Variants in UGT1A9 observed in about 807,000 individuals in gnomAD.
The protein encoded by UGT1A9 is UDP glucuronosyltransferase family 1 member A9.
Under a neutral mutation model 45.0 loss-of-function variants are expected in UGT1A9, and 35 were observed. The observed-to-expected ratio is 0.78, with a 90% CI of 0.59 to 1.03. The LOEUF (loss-of-function observed/expected upper bound fraction) is 1.03, where lower values mean the gene tolerates loss of function less well. UGT1A9 is among the 50% of genes least tolerant of loss of function. The pLI is 0.00. For synonymous variants in UGT1A9, 278 were observed against 250.6 expected (o/e 1.11, Z -1.03); for missense variants, 687 against 666.6 (o/e 1.03, Z -0.34).
Position 233,769,463 on chromosome 2 carries a change from G to A in UGT1A9, c.1295+1024G>A. On this transcript the variant is annotated intron_variant, in intron 4 of 4. Coordinates refer to ENST00000354728, the MANE Select transcript of UGT1A9 (RefSeq NM_021027.3). The surrounding 1 kb of genome is among the most constrained non-coding windows in gnomAD (Gnocchi z 4.4). Reference sequence around the variant, plus strand: ...TGGGTGCACACGTGTGCATTCATATGCGTGTGTGTGTGTGTGCGTGTGTTT... The same window carrying A: ...TGGGTGCACACGTGTGCATTCATATACGTGTGTGTGTGTGTGCGTGTGTTT... 6.3e-7 allele frequency: 1 copy of A among 1,598,098 alleles called. No homozygotes were observed. The highest frequency in any genetic ancestry group is 8.6e-7 in the Non-Finnish European group (1 of 1,168,000).
At chr2:233,731,273 A>G (rs1323685253) in intron 1 of UGT1A9, among the ~76,000 whole-genome samples, 1 of 147,192 alleles carries the variant, frequency 6.8e-6, no homozygotes. Flanking sequence ...TTGCCCTTCC[A>G]GTTTTTCTTT....
At chr2:233,755,299 T>C (rs1695851428) in intron 1 of UGT1A9, 2 of 613,704 alleles carry the variant, frequency 3.3e-6, no homozygotes, top group South Asian at 1.7e-5. Flanking sequence ...TGCGGGGCAC[T>C]GGCACAGCGA....
chr2:233,703,579 A>G (rs2075744144), intron 1 of UGT1A9, among the ~76,000 whole-genome samples: 2 of 151,928 alleles, frequency 1.3e-5, no homozygotes, highest in South Asian at 4.1e-4. Context: ...TAAGGTCTAT[A>G]TTATCTTGCT....
In UGT1A9 at chr2:233,772,400, C is replaced by T. The variant is rs1479735066; in HGVS notation, c.1434C>T (p.Leu478=). ...APHLRPAAHD[L]TWYQYHSLDV... is the part of the protein sequence containing the mutation. ...ACCTGCGCCCCGCAGCCCACGACCT[C>T]ACCTGGTACCAGTACCATTCCTTGG... Residue 478 remains leucine, a synonymous_variant, in exon 5 of 5, where the codon CTC becomes CTT. Transcript: ENST00000354728. 1 of 1,614,246 alleles carries T rather than the reference C, an allele frequency of 6.2e-7. No homozygotes were observed.
At chr2:233,694,740 G>A (rs565003926) in intron 1 of UGT1A9, among the ~76,000 whole-genome samples, 1 of 152,202 alleles carries the variant, frequency 6.6e-6, no homozygotes, top group South Asian at 2.1e-4. Context: ...AATTTGAACA[G>A]TTGGCAGTAG....
rs28899178 is a variant in UGT1A9, at chr2:233,702,144, C to G, written c.855+29355C>G. Among the ~76,000 whole-genome samples the G allele has an allele frequency of 8.7e-3, 1,324 of 152,238 alleles. 29 individuals carry two copies. Among genetic ancestry groups the G allele is most frequent in the African/African-American group, 0.03 (1,235 of 41,546 alleles). On this transcript the variant is annotated intron_variant, in intron 1 of 4. Transcript: ENST00000354728. ...ACATTTTCAGTCACTCCCAAAGATACCTTATATCTATTATCAGTCACTCTT... is the reference window on the plus strand; with the variant it reads ...ACATTTTCAGTCACTCCCAAAGATAGCTTATATCTATTATCAGTCACTCTT...
rs1559415894 is a variant in UGT1A9, at chr2:233,768,434, C to CA, written c.1294dup (p.Ser432LysfsTer74). 6.2e-7 allele frequency: 1 copy of CA among 1,613,634 alleles called. No individual in the cohort carries two copies. The highest frequency in any genetic ancestry group is 1.1e-5 in the South Asian group (1 of 90,992). Reference sequence around the variant, plus strand: ...ATGCTCTAAAAGCAGTCATCAATGACAAAAGGTAAGAAAGAAGATACAGAA... The same window carrying CA: ...ATGCTCTAAAAGCAGTCATCAATGACAAAAAGGTAAGAAAGAAGATACAGAA... On this transcript the variant is annotated frameshift_variant, in exon 4 of 5. Transcript: ENST00000354728. LOFTEE classifies it high-confidence loss of function.
rs763548038 is a variant in UGT1A9 at position 233,772,319 on chromosome 2, G to A, written c.1353G>A (p.Pro451=). The A allele has an allele frequency of 6.2e-6, 10 of 1,614,046 alleles. No homozygotes were observed. The highest frequency in any genetic ancestry group is 7.6e-6 in the Non-Finnish European group (9 of 1,180,038). The change falls in exon 5 of 5, where the codon CCG becomes CCA. Residue 451 remains proline (P), a synonymous_variant. Coordinates refer to ENST00000354728, the MANE Select transcript of UGT1A9 (RefSeq NM_021027.3). ...TTCACAAGGACCGCCCGGTGGAGCC[G>A]CTGGACCTGGCCGTGTTCTGGGTGG... ...SSLHKDRPVE[P]LDLAVFWVEF...
At position 233,695,130 on chromosome 2, in the gene UGT1A9, C is replaced by CTTTCTTT. The variant is rs1364557158; in HGVS notation, c.855+22344_855+22345insCTTTTTT. ...GCCCATTAACCAACCCTTTTCTTTT[C>CTTTCTTT]TTTTTTTTTTTTTTGAGACAGAGTC... On this transcript the variant is annotated intron_variant, in intron 1 of 4. Transcript: ENST00000354728. Among the ~76,000 whole-genome samples the CTTTCTTT allele has an allele frequency of 8.6e-5, 12 of 138,836 alleles. 2 individuals are homozygous for CTTTCTTT. Among genetic ancestry groups the CTTTCTTT allele is most frequent in the Admixed American group, 1.4e-4 (2 of 14,118 alleles). 91.1% of individuals were successfully genotyped at this position (138,836 alleles called of 152,430 possible).
In UGT1A9 at chr2:233,672,724, C is replaced by T; in HGVS notation, c.790C>T (p.Pro264Ser). ...GGACTTTGTTTTGGACTATCCCAAA[C>T]CCGTGATGCCCAACATGATCTTCAT... ...RTDFVLDYPKPVMPNMIFIGG... is the reference protein window; with the variant it reads ...RTDFVLDYPKSVMPNMIFIGG... The change falls in exon 1 of 5, where the codon CCC becomes TCC. Residue 264 changes from proline to serine, a missense_variant. Physicochemically the swap from Pro to Ser is moderately conservative, Grantham distance 74. Coordinates refer to ENST00000354728, the MANE Select transcript of UGT1A9 (RefSeq NM_021027.3). The T allele has an allele frequency of 6.2e-7, 1 of 1,613,932 alleles. No individual in the cohort carries two copies. The highest frequency in any genetic ancestry group is 8.5e-7 in the Non-Finnish European group (1 of 1,179,834).
At position 233,747,735 on chromosome 2, in the gene UGT1A9, A is replaced by G. The variant is rs890289369; in HGVS notation, c.856-19299A>G. 5 of 1,613,242 alleles carry G rather than the reference A, an allele frequency of 3.1e-6. No individual in the cohort carries two copies. The African/African-American group carries it at 4.0e-5, about 13-fold the overall frequency. On this transcript the variant is annotated intron_variant, in intron 1 of 4. Coordinates refer to ENST00000354728, the MANE Select transcript of UGT1A9 (RefSeq NM_021027.3). ...AATTCCTGCTGTGTTTTTTTTGAGGAACATTCCATGTGATTTAGACTTTAA... is the reference window on the plus strand; with the variant it reads ...AATTCCTGCTGTGTTTTTTTTGAGGGACATTCCATGTGATTTAGACTTTAA...
intron 1 of UGT1A9, chr2:233,691,428 T>A: frequency 4.1e-6 from 4 of 985,592 alleles, no homozygotes; most frequent in Non-Finnish European, 4.8e-6. Context: ...CTAATCATGT[T>A]GCTCAGGCTT....
At position 233,692,517 on chromosome 2, in the gene UGT1A9, C is replaced by T. The variant is rs28899169; in HGVS notation, c.855+19728C>T. ...GACTGAGCCCTTAACCTGTGGGGTC[C>T]GTGCTAACTCAGAATTCAGTTCAGA... On this transcript the variant is annotated intron_variant, in intron 1 of 4. Transcript: ENST00000354728. Among the ~76,000 whole-genome samples the T allele has an allele frequency of 3.8e-3, 571 of 152,144 alleles. 7 individuals carry two copies. Among genetic ancestry groups the T allele is most frequent in the African/African-American group, 0.013 (547 of 41,518 alleles).
chr2:233,690,583 C>T, intron 1 of UGT1A9: 2 of 1,283,576 alleles, frequency 1.6e-6, no homozygotes, highest in Non-Finnish European at 2.0e-6. Context: ...TGCAGCAATC[C>T]CTGAGAAAAA....
At chr2:233,772,184 TA>T (rs2126065808) in intron 4 of UGT1A9, 77 bp from the exon 5 acceptor site, 1 of 1,591,636 alleles carries the variant, frequency 6.3e-7, no homozygotes, top group Admixed American at 1.8e-5. Context: ...GTAGTCTTCT[TA>T]AGCAGCCATG....
chr2:233,747,799 A>C, intron 1 of UGT1A9: 1 of 1,613,474 alleles, frequency 6.2e-7, no homozygotes, highest in Non-Finnish European at 8.5e-7. Context: ...TATATTCCTA[A>C]GTTACTAACG....
At chr2:233,720,438 T>C (rs553453091) in intron 1 of UGT1A9, among the ~76,000 whole-genome samples, 3 of 152,172 alleles carry the variant, frequency 2.0e-5, no homozygotes, top group African/African-American at 7.2e-5. Context: ...ACCGTGAATC[T>C]ATAAGCCCAG....
rs2074238993 is a variant in UGT1A9, at chr2:233,672,732, G to A, written c.798G>A (p.Met266Ile). The A allele has an allele frequency of 6.2e-7, 1 of 1,613,894 alleles. No individual in the cohort carries two copies. The highest frequency in any genetic ancestry group is 8.5e-7 in the Non-Finnish European group (1 of 1,179,832). Residue 266 changes from methionine (M) to isoleucine (I), a missense_variant, in exon 1 of 5, where the codon ATG becomes ATA. Coordinates refer to ENST00000354728, the MANE Select transcript of UGT1A9 (RefSeq NM_021027.3). ...DFVLDYPKPVMPNMIFIGGIN... is the reference protein window; with the variant it reads ...DFVLDYPKPVIPNMIFIGGIN... ...TTTTGGACTATCCCAAACCCGTGAT[G>A]CCCAACATGATCTTCATTGGTGGTA...
chr2:233,731,298 T>A (rs909820502), intron 1 of UGT1A9, among the ~76,000 whole-genome samples: 4 of 149,198 alleles, frequency 2.7e-5, no homozygotes, highest in Non-Finnish European at 4.5e-5. Flanking sequence ...TTTTTTTTTT[T>A]ATTATACTTT....
Sources: gnomAD v4.1 joint callset for allele counts (sites outside exome capture counted in the v4.1 genomes callset) on GRCh38, gnomAD v4.1.1 for gene constraint, Gnocchi (gnomAD v3.1) non-coding constraint, MANE v1.5 for transcripts, NCBI Gene and HGNC (gene_info 2026-07-23, HGNC 2026-07-21) for gene names.